KEL: variants seen among roughly 807,000 people sequenced by gnomAD.
KEL encodes Kell metallo-endopeptidase (Kell blood group).
A neutral mutation model predicts 99.5 loss-of-function variants in KEL; 96 were observed. The ratio of observed to expected loss-of-function variants is 0.97; its 90% CI spans 0.82 to 1.14. The LOEUF (loss-of-function observed/expected upper bound fraction) is 1.14, where lower values mean the gene tolerates loss of function less well. Among genes scored for constraint, KEL ranks in the 50% most tolerant of loss-of-function variants. The pLI is 0.00. For synonymous variants in KEL, 355 were observed against 354.8 expected, an observed-to-expected ratio of 1.00 and a Z score of -0.01; for missense variants, 926 against 924.2, an observed-to-expected ratio of 1.00 and a Z score of -0.03.
chr7:142,956,209 C>A (rs1324900750), intron 6 of KEL, among the ~76,000 whole-genome samples: 2 of 152,194 alleles, frequency 1.3e-5, no homozygotes, highest in African/African-American at 2.4e-5. Context: ...CAATCAGTCA[C>A]CAAATCCTCT....
intron 3 of KEL, 85 bp from the exon 4 acceptor site, chr7:142,961,189 GTAAC>G: frequency 2.6e-6 from 4 of 1,530,086 alleles, no homozygotes; most frequent in Non-Finnish European, 3.6e-6. Context: ...CATCAGGTGA[GTAAC>G]TAAGTGGGGA....
intron 11 of KEL, 60 bp from the exon 12 acceptor site, chr7:142,944,801 T>C: frequency 7.6e-7 from 1 of 1,319,938 alleles, no homozygotes; most frequent in Non-Finnish European, 1.1e-6. Flanking sequence ...AGCCTGGCCC[T>C]GCCCACAGCT....
chr7:142,947,449 C>T (rs570967495), intron 10 of KEL, among the ~76,000 whole-genome samples: 3 of 152,270 alleles, frequency 2.0e-5, no homozygotes, highest in South Asian at 2.1e-4. Context: ...AAAAAACTCC[C>T]GAACCCACCA....
In KEL at chr7:142,953,880, G is replaced by T. The variant is rs1256183092; in HGVS notation, c.1001C>A (p.Ser334Tyr). 1 of 1,614,174 alleles carries T rather than the reference G, an allele frequency of 6.2e-7. No homozygotes were observed. Among genetic ancestry groups the T allele is most frequent in the South Asian group, 1.1e-5 (1 of 91,086 alleles). ...ATATTCCACGTCATGGACCACGAGG[G>T]ACTGAGAAGGGCTCAGGGACATCGG... is the stretch of plus-strand genomic sequence containing the variant. ...FTPMSLSPSQSLVVHDVEYLK... is the reference protein window; with the variant it reads ...FTPMSLSPSQYLVVHDVEYLK... Residue 334 changes from serine to tyrosine, a missense_variant, in exon 9 of 19, where the codon TCC becomes TAC. Transcript: ENST00000355265.
intron 9 of KEL, 118 bp from the exon 10 acceptor site, chr7:142,952,756 TTAA>T: frequency 8.4e-7 from 1 of 1,188,086 alleles, no homozygotes; most frequent in Non-Finnish European, 1.2e-6. Flanking sequence ...CTCCTCTGTA[TTAA>T]TAAGTGTTTT....
chr7:142,941,785 G>A (rs1796363784), intron 18 of KEL, among the ~76,000 whole-genome samples: 1 of 151,266 alleles, frequency 6.6e-6, no homozygotes, highest in Non-Finnish European at 1.5e-5. Context: ...AGAGGAATGT[G>A]GCACACAGTC....
chr7:142,955,419 C>T (rs1796805382), intron 6 of KEL, among the ~76,000 whole-genome samples: 1 of 151,984 alleles, frequency 6.6e-6, no homozygotes, highest in South Asian at 2.1e-4. Flanking sequence ...GAATTTTGTC[C>T]CATTTTTTGG....
At chr7:142,960,769 T>C (rs1412099337) in intron 4 of KEL, among the ~76,000 whole-genome samples, 159 bp downstream of exon 4, 2 of 151,938 alleles carry the variant, frequency 1.3e-5, no homozygotes, top group Admixed American at 1.3e-4. Context: ...TCCTGCCTCT[T>C]TTACTCCCCC....
intron 5 of KEL, 85 bp from the exon 6 acceptor site, chr7:142,958,058 C>T: frequency 6.6e-7 from 1 of 1,511,842 alleles, no homozygotes; most frequent in Admixed American, 1.9e-5. Flanking sequence ...ACAGCTGCTA[C>T]TGCCTGACCT....
intron 1 of KEL, 134 bp from the exon 2 acceptor site, chr7:142,962,006 A>C (rs1796972004): frequency 6.2e-7 from 1 of 1,610,100 alleles, no homozygotes; most frequent in Non-Finnish European, 8.5e-7. Context: ...ATCTCGGAGC[A>C]GTGTTCCCAG....
Position 142,944,415 on chromosome 7 carries a change from A to G in KEL, c.1414-15T>C, listed in dbSNP as rs747152843. 52 of 1,599,916 alleles carry G rather than the reference A, an allele frequency of 3.3e-5. 1 individual carries two copies. In the South Asian group the frequency reaches 5.6e-4, roughly 17 times the overall value. ...AGTTGAGCAACCTGGAGAGAGACAC[A>G]GAAGAGGCTAGGAATACTCTCCGAG... On this transcript the variant is annotated splice_polypyrimidine_tract_variant and intron_variant, in intron 12 of 18. Coordinates refer to ENST00000355265, the MANE Select transcript of KEL (RefSeq NM_000420.3).
At position 142,944,550 on chromosome 7, in the gene KEL, G is replaced by A; in HGVS notation, c.1413+93C>T. On this transcript the variant is annotated intron_variant, in intron 12 of 18. Transcript: ENST00000355265. ...CCCTACTTAGCATGTGCCTGGGGGGGCCTTTGGCATTTGCTTCCAATCCCC... is the reference window on the plus strand; with the variant it reads ...CCCTACTTAGCATGTGCCTGGGGGGACCTTTGGCATTTGCTTCCAATCCCC... 6 of 1,224,922 alleles carry A rather than the reference G, an allele frequency of 4.9e-6. No individual in the cohort carries two copies. The Admixed American group carries it at 8.9e-5, about 18-fold the overall frequency. The allele number at this position is 1,224,922 out of a possible 1,614,324, so 75.9% of individuals were successfully genotyped here.
intron 14 of KEL, 89 bp from the exon 15 acceptor site, chr7:142,943,685 C>G (rs1164284464): frequency 7.0e-7 from 1 of 1,429,248 alleles, no homozygotes; most frequent in Non-Finnish European, 9.8e-7. Flanking sequence ...ACTACCATTA[C>G]TGTTCATGCT....
chr7:142,942,978 C>A lies in KEL; in HGVS notation c.1838G>T (p.Arg613Leu), dbSNP rs758961140. The change falls in exon 17 of 19, where the codon CGC (arginine) becomes CTC (leucine). Residue 613 changes from arginine (R) to leucine (L), a missense_variant. By Grantham distance (102) the Arg-to-Leu change is moderately radical (BLOSUM62 -2). Coordinates refer to ENST00000355265, the MANE Select transcript of KEL (RefSeq NM_000420.3). Reference protein sequence around the residue: ...ALQEAHLCLKRHYAAFPLPSR... With the variant: ...ALQEAHLCLKLHYAAFPLPSR... ...AGGTAATGGAAAGGCAGCATAATGG[C>A]GCTTCAGGCACAGGTGAGCTTCCTG... 1.8e-5 allele frequency: 29 copies of A among 1,614,052 alleles called. No individual in the cohort carries two copies. Among genetic ancestry groups the A allele is most frequent in the Non-Finnish European group, 2.5e-5 (29 of 1,180,038 alleles).
chr7:142,953,981 G>GGGGGAAAAGGAAAAGAGAAGGAA (rs1461221776), intron 8 of KEL, 25 bp from the exon 9 acceptor site: 6 of 1,611,756 alleles, frequency 3.7e-6, no homozygotes, highest in Non-Finnish European at 5.1e-6. Context: ...ACAAAGCTGA[G>GGGGGAAAAGGAAAAGAGAAGGAA]GGGGAAAAGG....
At chr7:142,955,833 T>A (rs1489698258) in intron 6 of KEL, among the ~76,000 whole-genome samples, 1 of 152,254 alleles carries the variant, frequency 6.6e-6, no homozygotes, top group Non-Finnish European at 1.5e-5. Flanking sequence ...CACTTTCTTA[T>A]CTTCCTCCTA....
intron 9 of KEL, 72 bp from the exon 10 acceptor site, chr7:142,952,710 T>C (rs971026506): frequency 1.3e-6 from 2 of 1,557,538 alleles, no homozygotes; most frequent in South Asian, 1.1e-5. Flanking sequence ...CCTCTCCTTG[T>C]GTAAGTCACC....
intron 3 of KEL, 123 bp downstream of exon 3, chr7:142,961,237 G>A (rs965532779): frequency 2.6e-6 from 4 of 1,518,356 alleles, no homozygotes; most frequent in Non-Finnish European, 2.7e-6. Flanking sequence ...GATGCAGGGA[G>A]GAAGAAGAAC....
chr7:142,947,707 G>A (rs1252741394), intron 10 of KEL, among the ~76,000 whole-genome samples: 1 of 152,192 alleles, frequency 6.6e-6, no homozygotes, highest in East Asian at 1.9e-4. Context: ...GCTACCACCA[G>A]AGATGAAGTT....
Sources: allele counts gnomAD v4.1 joint callset (sites outside exome capture counted in the v4.1 genomes callset), GRCh38; gene constraint gnomAD v4.1.1; transcripts MANE v1.5; gene names NCBI Gene and HGNC (gene_info 2026-07-23, HGNC 2026-07-21).